DDAH1: variants seen among roughly 807,000 people sequenced by gnomAD.
DDAH1 encodes N(G),N(G)-dimethylarginine dimethylaminohydrolase 1.
Under a neutral mutation model 28.8 loss-of-function variants are expected in DDAH1, and 19 were observed. That is an observed-to-expected ratio of 0.66 (90% confidence interval 0.46 to 0.97). The LOEUF (loss-of-function observed/expected upper bound fraction) is 0.97, where lower values mean the gene tolerates loss of function less well. DDAH1 is among the 50% of genes least tolerant of loss of function. The pLI, the probability that DDAH1 is intolerant of heterozygous loss-of-function variation, is 0.00. For missense variants in DDAH1, 326 were observed against 375.9 expected (o/e 0.87, Z 1.10); for synonymous variants, 153 against 154.4 (o/e 0.99, Z 0.07).
intron 1 of DDAH1, among the ~76,000 whole-genome samples, chr1:85,548,325 A>G (rs1658685966): frequency 6.6e-6 from 1 of 152,186 alleles, no homozygotes; most frequent in South Asian, 2.1e-4. Flanking sequence ...TAAGAAACTG[A>G]TATTTGAAGA....
intron 1 of DDAH1, among the ~76,000 whole-genome samples, chr1:85,436,482 T>C (rs1454181854): frequency 1.3e-5 from 2 of 152,180 alleles, no homozygotes; most frequent in Admixed American, 6.5e-5. Context: ...ACGAATGTGT[T>C]AGAAGAGATG....
chr1:85,496,951 A>C (rs927190099), intron 1 of DDAH1, among the ~76,000 whole-genome samples: 41 of 152,242 alleles, frequency 2.7e-4, no homozygotes, highest in African/African-American at 9.4e-4. Context: ...CTTAACATTG[A>C]GGACATTCTG....
At chr1:85,482,666 A>G (rs1656049579) in intron 2 of DDAH1, 1 of 152,210 alleles carries the variant, frequency 6.6e-6, no homozygotes, top group Admixed American at 6.5e-5. Context: ...CCATTCTTTA[A>G]TGCCCCTCAC....
At chr1:85,506,275 A>G (rs74591193) in intron 1 of DDAH1, among the ~76,000 whole-genome samples, 2,662 of 152,290 alleles carry the variant, frequency 0.017, 85 homozygotes, top group African/African-American at 0.059. Context: ...TGGAGAGAGA[A>G]GGAAGAATGA....
intron 1 of DDAH1, among the ~76,000 whole-genome samples, chr1:85,551,864 G>A (rs1266766998): frequency 6.6e-6 from 1 of 152,180 alleles, no homozygotes; most frequent in Non-Finnish European, 1.5e-5. Flanking sequence ...GCATGCTCAG[G>A]GAATGGCTAT....
At chr1:85,465,265 C>T, upstream of DDAH1, 3 of 1,041,902 alleles carry the variant, frequency 2.9e-6, no homozygotes, top group Non-Finnish European at 3.5e-6. Context: ...CACTCCGGCG[C>T]TCGCGGGTCT....
chr1:85,365,079 C>T (rs1197285547), intron 1 of DDAH1, among the ~76,000 whole-genome samples: 1 of 152,046 alleles, frequency 6.6e-6, no homozygotes, highest in Non-Finnish European at 1.5e-5. Context: ...TCATATTAAC[C>T]TTATTTAACT....
chr1:85,401,501 CTTTTT>C (rs34520534), intron 1 of DDAH1, among the ~76,000 whole-genome samples: 2 of 103,360 alleles, frequency 1.9e-5, no homozygotes, highest in Non-Finnish European at 2.0e-5. Context: ...TTTTTTCTTT[CTTTTT>C]TTTTTTTTTT....
chr1:85,364,122 A>T (rs1480458170), intron 1 of DDAH1, among the ~76,000 whole-genome samples: 2 of 152,170 alleles, frequency 1.3e-5, no homozygotes, highest in African/African-American at 2.4e-5. Flanking sequence ...ACTGAGGCTA[A>T]GGGAGGTTGA....
chr1:85,438,758 A>T (rs1299823636), intron 1 of DDAH1, among the ~76,000 whole-genome samples: 2 of 152,228 alleles, frequency 1.3e-5, no homozygotes, highest in Non-Finnish European at 2.9e-5. Flanking sequence ...GATCAAGATG[A>T]TCCTGGAGGA....
At chr1:85,339,599 TC>T (rs1648344655) in intron 4 of DDAH1, among the ~76,000 whole-genome samples, 1 of 152,226 alleles carries the variant, frequency 6.6e-6, no homozygotes. Flanking sequence ...TTAATGTGTT[TC>T]TTTTGCATGT....
chr1:85,324,829 T>A lies in DDAH1; in HGVS notation c.652A>T (p.Ile218Leu). Residue 218 changes from isoleucine (I) to leucine (L), a missense_variant, in exon 5 of 6, where the codon ATA (isoleucine) becomes TTA (leucine). Transcript: ENST00000284031. ...TTTAGATATATACAGTTTGCTGCTA[T>A]GTCATCAGGCACAGTGAGTTTGTCG... Reference protein sequence around the residue: ...RYDKLTVPDDIAANCIYLNIP... With the variant: ...RYDKLTVPDDLAANCIYLNIP... The A allele has an allele frequency of 6.2e-7, 1 of 1,614,166 alleles. No individual in the cohort carries two copies. The highest frequency in any genetic ancestry group is 8.5e-7 in the Non-Finnish European group (1 of 1,180,022).
intron 4 of DDAH1, among the ~76,000 whole-genome samples, chr1:85,334,115 C>T (rs1570387941): frequency 1.3e-5 from 2 of 152,272 alleles, no homozygotes; most frequent in Non-Finnish European, 1.5e-5. Flanking sequence ...TCCGCACATG[C>T]TGTTCTCATG....
At chr1:85,567,806 A>G (rs1426620855) in intron 1 of DDAH1, among the ~76,000 whole-genome samples, 3 of 152,228 alleles carry the variant, frequency 2.0e-5, no homozygotes, top group South Asian at 2.1e-4. Context: ...TCCTCTCTCA[A>G]TTATCCAAAG....
chr1:85,505,229 C>T (rs890358974), intron 1 of DDAH1, among the ~76,000 whole-genome samples: 1 of 151,904 alleles, frequency 6.6e-6, no homozygotes, highest in African/African-American at 2.4e-5. Flanking sequence ...GATCTACCTG[C>T]CTTGGCCTCC....
intron 2 of DDAH1, among the ~76,000 whole-genome samples, chr1:85,489,680 T>C (rs1182606305): frequency 6.6e-6 from 1 of 151,616 alleles, no homozygotes; most frequent in African/African-American, 2.4e-5. Flanking sequence ...AAGATGGACA[T>C]TGAAGGAAAG....
At chr1:85,401,995 A>G (rs1473943356) in intron 1 of DDAH1, among the ~76,000 whole-genome samples, 1 of 151,614 alleles carries the variant, frequency 6.6e-6, no homozygotes, top group East Asian at 1.9e-4. Flanking sequence ...ACTTTAATTA[A>G]TTTTTTTAGA....
chr1:85,421,191 T>A (rs1170334628), intron 1 of DDAH1, among the ~76,000 whole-genome samples: 1 of 152,144 alleles, frequency 6.6e-6, no homozygotes, highest in Non-Finnish European at 1.5e-5. Context: ...CCTCCAACAC[T>A]GGGGATTATA....
rs1042361769 is a variant in DDAH1 at position 85,544,192 on chromosome 1, A to C, written c.-123+33792T>G. ...GTCAGAATGATGAACACTGTAGAAT[A>C]AGCAAATGAAAAACAAAACAACTTT... On this transcript the variant is annotated intron_variant, in intron 1 of 6. Coordinates refer to the DDAH1 transcript ENST00000426972. 4.6e-5 allele frequency among the ~76,000 whole-genome samples: 7 copies of C among 152,218 alleles called. No individual in the cohort carries two copies. In the South Asian group the frequency reaches 1.4e-3, roughly 31 times the overall value.
Sources: allele counts gnomAD v4.1 joint callset (sites outside exome capture counted in the v4.1 genomes callset), GRCh38; gene constraint gnomAD v4.1.1; transcripts MANE v1.5; gene names NCBI Gene and HGNC (gene_info 2026-07-23, HGNC 2026-07-21).